The following SMC1B variants were observed in gnomAD, a reference collection of about 807,000 sequenced individuals.
The protein encoded by SMC1B is structural maintenance of chromosomes protein 1B.
Under a neutral mutation model 157.9 loss-of-function variants are expected in SMC1B, and 60 were observed. That is an observed-to-expected ratio of 0.38 (90% CI 0.31 to 0.47). SMC1B has a LOEUF of 0.47. Among genes scored for constraint, SMC1B ranks in the 20% least tolerant of loss-of-function variants. SMC1B has a pLI of 0.99. For missense variants in SMC1B, 1,165 were observed against 1,426.2 expected (o/e 0.82, Z 2.95); for synonymous variants, 445 against 483.0 (o/e 0.92, Z 1.03).
intron 21 of SMC1B, 76 bp downstream of exon 21, chr22:45,353,893 CAAAAAAAAA>C (rs3833396): frequency 6.9e-5 from 17 of 247,496 alleles, no homozygotes; most frequent in African/African-American, 3.2e-4. Flanking sequence ...TATTTCCCAC[CAAAAAAAAA>C]AAAAAAAAAA....
intron 21 of SMC1B, 32 bp downstream of exon 21, chr22:45,353,946 C>G (rs1243490613): frequency 1.5e-6 from 1 of 687,422 alleles, no homozygotes; most frequent in Non-Finnish European, 2.1e-6. Flanking sequence ...ACACAGAATT[C>G]TCACTAGTAT....
chr22:45,394,767 C>T lies in SMC1B; in HGVS notation c.1255G>A (p.Gly419Arg). Residue 419 changes from glycine (G) to arginine (R), a missense_variant and splice_region_variant, in exon 8 of 25, where the codon GGA becomes AGA. By Grantham distance (125) the Gly-to-Arg change is moderately radical. Transcript: ENST00000357450. ...TGTTCTTTTATTTGTTTTAGATTTC[C>T]CTAAAAGAGGAAATAAAATCTAAAA... ...FEKRRHGEVQ[G>R]NLKQIKEQIE... The T allele has an allele frequency of 1.3e-6, 2 of 1,524,508 alleles. No homozygotes were observed. The highest frequency in any genetic ancestry group is 8.8e-7 in the Non-Finnish European group (1 of 1,131,000). The allele number at this position is 1,524,508 out of a possible 1,614,324, so 94.4% of individuals were successfully genotyped here. A position where few individuals can be genotyped will look rare whatever the true frequency, so the allele number is the denominator to read the frequency against.
At chr22:45,383,746 T>C (rs879828146) in intron 11 of SMC1B, 133 bp from the exon 12 acceptor site, 6 of 708,768 alleles carry the variant, frequency 8.5e-6, no homozygotes, top group African/African-American at 1.9e-5. Flanking sequence ...TAATAAAATA[T>C]CTAGTTTATG....
intron 19 of SMC1B, 101 bp downstream of exon 19, chr22:45,358,596 T>TA (rs879067131): frequency 1.8e-3 from 1,267 of 695,942 alleles, no homozygotes; most frequent in Middle Eastern, 3.9e-3. Context: ...GGAAATCTTT[T>TA]AAAAAAAAAC....
chr22:45,345,275 T>A (rs1035786313), intron 24 of SMC1B, among the ~76,000 whole-genome samples, 184 bp downstream of exon 24: 1 of 152,226 alleles, frequency 6.6e-6, no homozygotes, highest in African/African-American at 2.4e-5. Flanking sequence ...ACTTAAAATA[T>A]ATCTTCAATC....
rs570392866 is a variant in SMC1B at position 45,365,437 on chromosome 22, C to T, written c.2421-2411G>A. Among the ~76,000 whole-genome samples the T allele has an allele frequency of 2.4e-3, 365 of 152,260 alleles. 1 individual carries two copies. The highest frequency in any genetic ancestry group is 8.6e-3 in the African/African-American group (356 of 41,550). ...TTTGAGATTAGGCCGAGCATGGTGG[C>T]TCACACCTGTAATCCCGGGCACTTT... On this transcript the variant is annotated intron_variant, in intron 15 of 24. Transcript: ENST00000357450.
chr22:45,390,495 CAA>C (rs1489957436), intron 9 of SMC1B, among the ~76,000 whole-genome samples: 1 of 152,010 alleles, frequency 6.6e-6, no homozygotes, highest in Non-Finnish European at 1.5e-5. Context: ...ATCATGGGGT[CAA>C]GAGATCGAGA....
At chr22:45,354,671 G>A (rs762302167) in intron 20 of SMC1B, among the ~76,000 whole-genome samples, 3 of 152,184 alleles carry the variant, frequency 2.0e-5, no homozygotes, top group African/African-American at 7.2e-5. Flanking sequence ...GATTACAGGC[G>A]TGAGCTACTG....
At chr22:45,393,916 G>T in intron 8 of SMC1B, 75 bp from the exon 9 acceptor site, 1 of 1,000,844 alleles carries the variant, frequency 1.0e-6, no homozygotes, top group Non-Finnish European at 1.5e-6. Flanking sequence ...ACATACTCCT[G>T]TCTGGCATTG....
rs3833396 is a variant in SMC1B at position 45,353,893 on chromosome 22, C to CAAAAAAAA, written c.3273+77_3273+84dup. 682 of 247,456 alleles carry CAAAAAAAA rather than the reference C, an allele frequency of 2.8e-3. 161 individuals are homozygous for CAAAAAAAA. The highest frequency in any genetic ancestry group is 3.3e-3 in the South Asian group (114 of 34,458). 15.3% of individuals were successfully genotyped at this position (247,456 alleles called of 1,614,324 possible). A position where few individuals can be genotyped will look rare whatever the true frequency, so the allele number is the denominator to read the frequency against. Reference sequence around the variant, plus strand: ...TAATGTGGCAGTGGTTATTTCCCACCAAAAAAAAAAAAAAAAAAAAAAAAA... The same window carrying CAAAAAAAA: ...TAATGTGGCAGTGGTTATTTCCCACCAAAAAAAAAAAAAAAAAAAAAAAAAAAAAAAAA... On this transcript the variant is annotated intron_variant, in intron 21 of 24. Coordinates refer to ENST00000357450, the MANE Select transcript of SMC1B (RefSeq NM_148674.5).
rs2086531981 is a variant in SMC1B at position 45,344,588 on chromosome 22, C to A, written c.3676G>T (p.Glu1226Ter). Reference sequence around the variant, plus strand: ...GACTCTCCGTGTCTCTTGCTGCTTTCTTGGCCTTCAGTGTCTGGATACTGA... The same window carrying A: ...GACTCTCCGTGTCTCTTGCTGCTTTATTGGCCTTCAGTGTCTGGATACTGA... ...LSQYPDTEGQ[E>*]SSKRHGESR Residue 1226 changes from glutamate to a stop codon, truncating the protein, a stop_gained, in exon 25 of 25, where the codon GAA becomes TAA. Coordinates refer to ENST00000357450, the MANE Select transcript of SMC1B (RefSeq NM_148674.5). LOFTEE classifies it low-confidence loss of function (END_TRUNC). 1.2e-6 allele frequency: 2 copies of A among 1,614,132 alleles called. No individual in the cohort carries two copies. Among genetic ancestry groups the A allele is most frequent in the Non-Finnish European group, 8.5e-7 (1 of 1,179,962 alleles).
chr22:45,364,597 C>G (rs1378193043), intron 15 of SMC1B, among the ~76,000 whole-genome samples: 1 of 152,150 alleles, frequency 6.6e-6, no homozygotes, highest in African/African-American at 2.4e-5. Context: ...GACAGGGGGA[C>G]AACAGAATCC....
intron 6 of SMC1B, among the ~76,000 whole-genome samples, chr22:45,397,601 C>T (rs967721225): frequency 1.2e-4 from 18 of 152,180 alleles, no homozygotes; most frequent in African/African-American, 4.3e-4. Flanking sequence ...GGTGTGCTTA[C>T]CTCTGATTGA....
exon 1 of SMC1B, chr22:45,413,586 TCACCCGCGTTATCAAG>T (rs1281964343): frequency 1.2e-5 from 19 of 1,582,332 alleles, no homozygotes; most frequent in Non-Finnish European, 8.6e-7. Flanking sequence ...CCTCCACGCC[TCACCCGCGTTATCAAG>T]CGCCCGCGGA....
intron 19 of SMC1B, 145 bp from the exon 20 acceptor site, chr22:45,355,260 TGCA>T: frequency 2.7e-6 from 2 of 727,570 alleles, no homozygotes; most frequent in Non-Finnish European, 4.6e-6. Flanking sequence ...AGCCTGGAGG[TGCA>T]GTCCTGCTGC....
chr22:45,413,413 T>C (rs1490077583), intron 1 of SMC1B, 46 bp downstream of exon 1: 1 of 1,480,346 alleles, frequency 6.8e-7, no homozygotes, highest in Admixed American at 2.0e-5. Context: ...CCTGGACGCC[T>C]GGGACGGCGG....
chr22:45,375,292 G>A (rs188008586), intron 12 of SMC1B, among the ~76,000 whole-genome samples: 36 of 152,288 alleles, frequency 2.4e-4, no homozygotes, highest in Non-Finnish European at 4.4e-4. Context: ...CTTTTCCAGA[G>A]CGAACCAATA....
intron 5 of SMC1B, among the ~76,000 whole-genome samples, chr22:45,399,718 A>G (rs867863317): frequency 1.3e-5 from 2 of 152,228 alleles, no homozygotes; most frequent in African/African-American, 4.8e-5. Context: ...ACTTTATTAT[A>G]AATGTAGAAA....
At chr22:45,397,826 G>C (rs1002967591) in intron 6 of SMC1B, among the ~76,000 whole-genome samples, 2 of 152,040 alleles carry the variant, frequency 1.3e-5, no homozygotes, top group Non-Finnish European at 2.9e-5. Context: ...ATGACCTCTT[G>C]CATCCCCTCT....
Sources: gnomAD v4.1 joint callset for allele counts (sites outside exome capture counted in the v4.1 genomes callset) on GRCh38, gnomAD v4.1.1 for gene constraint, MANE v1.5 for transcripts, NCBI Gene and HGNC (gene_info 2026-07-23, HGNC 2026-07-21) for gene names.